CA8: variants seen among roughly 807,000 people sequenced by gnomAD.
The protein encoded by CA8 is carbonic anhydrase-related protein.
A neutral mutation model predicts 41.4 loss-of-function variants in CA8; 22 were observed. That is an observed-to-expected ratio of 0.53 (90% CI 0.38 to 0.76). The LOEUF (loss-of-function observed/expected upper bound fraction) is 0.76. CA8 is among the 30% of genes least tolerant of loss of function. CA8 has a pLI of 0.00. For missense variants in CA8, 270 were observed against 352.8 expected (o/e 0.77, Z 1.88); for synonymous variants, 121 against 130.6 (o/e 0.93, Z 0.50).
rs1806062468 is a variant in CA8 at position 60,189,793 on chromosome 8, ATATAG to A, written c.*223_*227del. ...CTAGCAGCAGTAATGTGGATATATA[ATATAG>A]GGTTTCTTTGGAATATACAGCCATT... On this transcript the variant is annotated 3_prime_UTR_variant, in exon 9 of 9. Coordinates refer to ENST00000317995, the MANE Select transcript of CA8 (RefSeq NM_004056.6). 6.6e-6 allele frequency: 1 copy of A among 152,564 alleles called. No individual in the cohort carries two copies. Among genetic ancestry groups the A allele is most frequent in the Admixed American group, 6.6e-5 (1 of 15,254 alleles). The allele number at this position is 152,564 out of a possible 1,614,324, so 9.5% of individuals were successfully genotyped here.
intron 3 of CA8, among the ~76,000 whole-genome samples, chr8:60,260,331 C>A (rs1175404580): frequency 6.6e-6 from 1 of 152,176 alleles, no homozygotes; most frequent in East Asian, 1.9e-4. Context: ...AACACACACC[C>A]CTCCTCTGCT....
At chr8:60,273,409 A>C (rs1433837674) in intron 2 of CA8, among the ~76,000 whole-genome samples, 1 of 152,208 alleles carries the variant, frequency 6.6e-6, no homozygotes, top group Non-Finnish European at 1.5e-5. Context: ...CCCACCTGCC[A>C]GGGGTCTGAG....
At chr8:60,268,986 G>A (rs1803985231) in intron 2 of CA8, among the ~76,000 whole-genome samples, 2 of 152,142 alleles carry the variant, frequency 1.3e-5, no homozygotes, top group South Asian at 2.1e-4. Flanking sequence ...CAGGAACCAG[G>A]CTCTGGGTAC....
At chr8:60,218,572 C>T (rs779088345) in intron 7 of CA8, among the ~76,000 whole-genome samples, 1 of 152,300 alleles carries the variant, frequency 6.6e-6, no homozygotes, top group Non-Finnish European at 1.5e-5. Flanking sequence ...GACATAATTA[C>T]CTTACTACAT....
At chr8:60,194,952 C>A (rs1467567318) in intron 8 of CA8, among the ~76,000 whole-genome samples, 1 of 152,140 alleles carries the variant, frequency 6.6e-6, no homozygotes, top group African/African-American at 2.4e-5. Context: ...AATATAAGTT[C>A]ATTTTTATGC....
At chr8:60,199,899 T>G (rs1478350216) in intron 8 of CA8, among the ~76,000 whole-genome samples, 3 of 152,216 alleles carry the variant, frequency 2.0e-5, no homozygotes, top group African/African-American at 7.2e-5. Context: ...TTCTAGTATA[T>G]TCTTGTTAAA....
chr8:60,240,525 A>T (rs972774246), intron 3 of CA8, among the ~76,000 whole-genome samples: 1 of 152,248 alleles, frequency 6.6e-6, no homozygotes, highest in African/African-American at 2.4e-5. Flanking sequence ...GCTGCTGTTA[A>T]GTTTTGATGA....
intron 3 of CA8, among the ~76,000 whole-genome samples, chr8:60,243,887 G>T (rs1402758942): frequency 6.6e-6 from 1 of 152,104 alleles, no homozygotes; most frequent in Non-Finnish European, 1.5e-5. Context: ...TGTTCTTGAT[G>T]GCTGTTCTTA....
In CA8 at chr8:60,279,807, C is replaced by T. The variant is rs757024364; in HGVS notation, c.174G>A (p.Glu58=). ...CCAACAGCGAGGGGTCATACCTAGCCTCTCTTGAGTTTAGGTTAATAGGAG... is the reference window on the plus strand; with the variant it reads ...CCAACAGCGAGGGGTCATACCTAGCTTCTCTTGAGTTTAGGTTAATAGGAG... ...YQSPINLNSR[E]ARYDPSLLDV... The change falls in exon 2 of 9, where the codon GAG becomes GAA. Residue 58 remains glutamate, a synonymous_variant. Transcript: ENST00000317995. 1.1e-5 allele frequency: 18 copies of T among 1,614,016 alleles called. No homozygotes were observed. Among genetic ancestry groups the T allele is most frequent in the Admixed American group, 1.7e-5 (1 of 60,000 alleles).
chr8:60,274,441 A>C (rs1485178988), intron 2 of CA8, among the ~76,000 whole-genome samples: 1 of 152,240 alleles, frequency 6.6e-6, no homozygotes, highest in African/African-American at 2.4e-5. Context: ...CTACAGGAAG[A>C]AGGCCACAAG....
At chr8:60,240,931 A>G (rs1808004707) in intron 3 of CA8, among the ~76,000 whole-genome samples, 1 of 152,224 alleles carries the variant, frequency 6.6e-6, no homozygotes, top group Admixed American at 6.5e-5. Flanking sequence ...GAAAGAAAGA[A>G]GATAGTAAGC....
Position 60,185,909 on chromosome 8 carries a change from G to A in CA8, c.*4112C>T. Among the ~76,000 whole-genome samples, 1 of 151,120 alleles carries A rather than the reference G, an allele frequency of 6.6e-6. No homozygotes were observed. Among genetic ancestry groups the A allele is most frequent in the East Asian group, 1.9e-4 (1 of 5,190 alleles). ...TGTAATTATGAAAGACAGTATAAAT[G>A]CATTTCTTCCTTCTCTTAAAGAGCA... On this transcript the variant is annotated 3_prime_UTR_variant, in exon 9 of 9. Transcript: ENST00000317995.
intron 8 of CA8, among the ~76,000 whole-genome samples, chr8:60,200,734 C>T (rs1207924633): frequency 6.6e-6 from 1 of 151,252 alleles, no homozygotes; most frequent in African/African-American, 2.4e-5. Flanking sequence ...AATAACTAAC[C>T]ACCACAATCC....
chr8:60,208,931 A>G lies in CA8; in HGVS notation c.739-12T>C. 6.2e-7 allele frequency: 1 copy of G among 1,613,878 alleles called. No individual in the cohort carries two copies. The highest frequency in any genetic ancestry group is 8.5e-7 in the Non-Finnish European group (1 of 1,179,726). ...CGAAATTCTTCTATCTGAAAATAAA[A>G]GCAGAAGAAAATAGATTAATCAATT... On this transcript the variant is annotated splice_polypyrimidine_tract_variant and intron_variant, in intron 7 of 8. Transcript: ENST00000317995.
intron 3 of CA8, among the ~76,000 whole-genome samples, chr8:60,257,421 G>A (rs142136977): frequency 4.6e-5 from 7 of 152,274 alleles, no homozygotes; most frequent in African/African-American, 1.7e-4. Flanking sequence ...CTGAGCTAAT[G>A]TCTAGCCCTT....
intron 3 of CA8, 145 bp from the exon 4 acceptor site, chr8:60,232,524 T>C (rs1807689398): frequency 2.8e-6 from 2 of 721,376 alleles, no homozygotes; most frequent in Middle Eastern, 2.7e-4. Flanking sequence ...ACTGGCTTAA[T>C]ACGAGTTCTC....
At chr8:60,219,391 C>T (rs1563350689) in intron 7 of CA8, among the ~76,000 whole-genome samples, 1 of 152,110 alleles carries the variant, frequency 6.6e-6, no homozygotes, top group Non-Finnish European at 1.5e-5. Flanking sequence ...CTCCTGACCT[C>T]GTGATCTGCC....
chr8:60,258,232 G>C (rs554869919), intron 3 of CA8, among the ~76,000 whole-genome samples: 1 of 152,320 alleles, frequency 6.6e-6, no homozygotes, highest in South Asian at 2.1e-4. Context: ...CAGTCCTAAA[G>C]TGTAGAAGTA....
chr8:60,202,112 C>T (rs574404153), intron 8 of CA8, among the ~76,000 whole-genome samples: 8 of 150,826 alleles, frequency 5.3e-5, no homozygotes, highest in Non-Finnish European at 8.8e-5. Context: ...GGCACGATCT[C>T]GGATCACTGC....
Sources: gnomAD v4.1 joint callset for allele counts (sites outside exome capture counted in the v4.1 genomes callset) on GRCh38, gnomAD v4.1.1 for gene constraint, MANE v1.5 for transcripts, NCBI Gene and HGNC (gene_info 2026-07-23, HGNC 2026-07-21) for gene names.